Variants in COL18A1 observed in about 807,000 individuals in gnomAD.
COL18A1 encodes collagen alpha-1(XVIII) chain.
In COL18A1, 133 loss-of-function variants were observed where a neutral mutation model predicts 168.0. The ratio of observed to expected loss-of-function variants is 0.79; its 90% CI spans 0.69 to 0.91. COL18A1 has a LOEUF of 0.91. Among genes scored for constraint, COL18A1 ranks in the 40% least tolerant of loss-of-function variants. COL18A1 has a pLI of 0.00. For missense variants in COL18A1, 2,126 were observed against 1,925.4 expected (o/e 1.10, Z -1.95); for synonymous variants, 949 against 809.0 (o/e 1.17, Z -2.94).
chr21:45,437,296 A>ACT (rs2034152935), intron 2 of COL18A1, among the ~76,000 whole-genome samples: 4 of 110,356 alleles, frequency 3.6e-5, no homozygotes, highest in Non-Finnish European at 5.5e-5. Flanking sequence ...CTGCACACAC[A>ACT]CACACTCACA....
intron 36 of COL18A1, 22 bp downstream of exon 36, chr21:45,505,453 TG>T: frequency 2.9e-6 from 4 of 1,357,844 alleles, no homozygotes; most frequent in Non-Finnish European, 3.1e-6. Flanking sequence ...GGCAGCCGGC[TG>T]GGCACCTGCG....
Position 45,512,440 on chromosome 21 carries a change from G to C in COL18A1, c.*42G>C, listed in dbSNP as rs369684141. On this transcript the variant is annotated 3_prime_UTR_variant, in exon 42 of 42. Coordinates refer to ENST00000651438, the MANE Select transcript of COL18A1 (RefSeq NM_001379500.1). ...GATGGCCGGAGAGGACCGGCGGCTC[G>C]GAGGAAGCCCCCACCGTGGGCAGGG... is the stretch of plus-strand genomic sequence containing the variant. 3.2e-6 allele frequency: 5 copies of C among 1,584,580 alleles called. No individual in the cohort carries two copies. The highest frequency in any genetic ancestry group is 3.4e-6 in the Non-Finnish European group (4 of 1,165,452).
At position 45,496,508 on chromosome 21, in the gene COL18A1, C is replaced by CG; in HGVS notation, c.2519dup (p.Gly843ArgfsTer21). On this transcript the variant is annotated frameshift_variant, in exon 30 of 42. Transcript: ENST00000651438. LOFTEE classifies it high-confidence loss of function. ...CTCTGCCCTCCCCACAGGGAATGCC[C>CG]GGCCCCCCAGGACCTCCAGGGCCCC... is the stretch of plus-strand genomic sequence containing the variant. 1 of 1,457,932 alleles carries CG rather than the reference C, an allele frequency of 6.9e-7. No individual in the cohort carries two copies. Among genetic ancestry groups the CG allele is most frequent in the Non-Finnish European group, 9.6e-7 (1 of 1,038,230 alleles). The allele number at this position is 1,457,932 out of a possible 1,614,324, so 90.3% of individuals were successfully genotyped here. A position where few individuals can be genotyped will look rare whatever the true frequency, so the allele number is the denominator to read the frequency against.
At position 45,409,253 on chromosome 21, in the gene COL18A1, A is replaced by G. The variant is rs541314609; in HGVS notation, c.106+3780A>G. Among the ~76,000 whole-genome samples the G allele has an allele frequency of 2.6e-4, 39 of 152,330 alleles. 2 individuals carry two copies. The highest frequency in any genetic ancestry group is 9.1e-4 in the African/African-American group (38 of 41,574). On this transcript the variant is annotated intron_variant, in intron 2 of 41. Coordinates refer to ENST00000651438, the MANE Select transcript of COL18A1 (RefSeq NM_001379500.1). ...GAGATTTCAGCGGCTGGCCAGTGGC[A>G]GACGGCGCAGGGTCTGAGACAGATA...
At chr21:45,448,179 G>A (rs189406902) in intron 2 of COL18A1, among the ~76,000 whole-genome samples, 2 of 152,312 alleles carry the variant, frequency 1.3e-5, no homozygotes, top group East Asian at 3.9e-4. Flanking sequence ...CTGCATTGAC[G>A]TTGATACGAT....
Position 45,468,604 on chromosome 21 carries a change from G to T in COL18A1, c.469G>T (p.Ala157Ser). ...CACAGCCGCCAGCTTCCGGCTCCCC[G>T]CCTTCGTCGGCCAGTGGACACACTT... ...THTAASFRLP[A>S]FVGQWTHLAL... The change falls in exon 3 of 42, where the codon GCC (alanine) becomes TCC (serine). Residue 157 changes from alanine to serine, a missense_variant. Transcript: ENST00000651438. 3 of 1,613,762 alleles carry T rather than the reference G, an allele frequency of 1.9e-6. No individual in the cohort carries two copies. The highest frequency in any genetic ancestry group is 2.2e-5 in the South Asian group (2 of 91,090).
intron 2 of COL18A1, among the ~76,000 whole-genome samples, chr21:45,461,115 A>G (rs1366322151): frequency 6.6e-6 from 1 of 152,210 alleles, no homozygotes; most frequent in Non-Finnish European, 1.5e-5. Context: ...GCGATACAGT[A>G]TTCTAGCTGT....
At chr21:45,430,591 G>T (rs143917419) in intron 2 of COL18A1, among the ~76,000 whole-genome samples, 1 of 152,172 alleles carries the variant, frequency 6.6e-6, no homozygotes, top group African/African-American at 2.4e-5. Context: ...CCCCGGGTCC[G>T]GTTACAAAGG....
rs75354819 is a variant in COL18A1 at position 45,490,253 on chromosome 21, G to A, written c.1960-22G>A. The A allele has an allele frequency of 0.019, 29,248 of 1,563,534 alleles. 1,379 individuals are homozygous for A. Among genetic ancestry groups the A allele is most frequent in the African/African-American group, 0.14 (10,273 of 73,120 alleles). ...CCTGGGCGTGTGGCCAATGCCCTGC[G>A]TCCTCCATGTGACCCTTTCAGGGAG... On this transcript the variant is annotated intron_variant, in intron 19 of 41. Coordinates refer to ENST00000651438, the MANE Select transcript of COL18A1 (RefSeq NM_001379500.1).
At chr21:45,446,522 C>G (rs1276710968) in intron 2 of COL18A1, among the ~76,000 whole-genome samples, 1 of 152,002 alleles carries the variant, frequency 6.6e-6, no homozygotes, top group Non-Finnish European at 1.5e-5. Flanking sequence ...CCAAAAACAC[C>G]CATAAAGAAA....
chr21:45,506,351 T>TG (rs1231334926), intron 37 of COL18A1: 4 of 355,000 alleles, frequency 1.1e-5, no homozygotes, highest in Admixed American at 3.8e-5. Context: ...CGGCCCCGGC[T>TG]GGGGGGCAGG....
chr21:45,421,563 C>G (rs138010199), intron 2 of COL18A1: 2 of 534,496 alleles, frequency 3.7e-6, no homozygotes, highest in Non-Finnish European at 7.7e-6. Flanking sequence ...TGGAAAACCT[C>G]GGCCTTCCAT....
Position 45,481,967 on chromosome 21 carries a change from C to G in COL18A1, c.1616C>G (p.Pro539Arg). The change falls in exon 14 of 42, where the codon CCC becomes CGC. Residue 539 changes from proline (P) to arginine (R), a missense_variant. Coordinates refer to ENST00000651438, the MANE Select transcript of COL18A1 (RefSeq NM_001379500.1). ...GPPGFPGLPG[P>R]PGPPGREGPP... ...CTATGCTCTGCTCTCCCCCAGGGAC[C>G]CCCAGGCCCTCCGGGAAGAGAGGGG... is the stretch of plus-strand genomic sequence containing the variant. The G allele has an allele frequency of 6.2e-7, 1 of 1,612,538 alleles. No individual in the cohort carries two copies. The highest frequency in any genetic ancestry group is 1.1e-5 in the South Asian group (1 of 91,028).
chr21:45,463,726 C>T lies in COL18A1; in HGVS notation c.107-4516C>T, dbSNP rs111331129. 0.029 allele frequency among the ~76,000 whole-genome samples: 4,438 copies of T among 152,064 alleles called. 231 individuals carry two copies. Among genetic ancestry groups the T allele is most frequent in the African/African-American group, 0.1 (4,194 of 41,434 alleles). On this transcript the variant is annotated intron_variant, in intron 2 of 41. Transcript: ENST00000651438. The surrounding 1 kb of genome is among the most constrained non-coding windows in gnomAD (Gnocchi z 4.0). Reference sequence around the variant, plus strand: ...CAGCCTGACCAACACGGAGAAACCCCATCTCTACTAACAATACAAAATTAG... The same window carrying T: ...CAGCCTGACCAACACGGAGAAACCCTATCTCTACTAACAATACAAAATTAG...
chr21:45,495,396 G>A lies in COL18A1; in HGVS notation c.2472G>A (p.Gly824=), dbSNP rs2036495802. 3 of 1,611,832 alleles carry A rather than the reference G, an allele frequency of 1.9e-6. No individual in the cohort carries two copies. The East Asian group carries it at 6.7e-5, about 36-fold the overall frequency. The change falls in exon 29 of 42, where the codon GGG becomes GGA. Residue 824 remains glycine (G), a synonymous_variant. Transcript: ENST00000651438. ...TGAACGGATTGAAAGGAGAGAAAGG[G>A]GAGCCGGGAGATGCCAGCCTTGGAT... The part of the protein sequence containing the change: ...PGMNGLKGEK[G]EPGDASLGFG...
rs527703542 is a variant in COL18A1, at chr21:45,440,052, C to T, written c.107-28190C>T. On this transcript the variant is annotated intron_variant, in intron 2 of 41. Transcript: ENST00000651438. Reference sequence around the variant, plus strand: ...CAGCGGAGGCTGGCAGGCCGTGGGCCGCATGGGCGGAGGGGCCGGTCCTCC... The same window carrying T: ...CAGCGGAGGCTGGCAGGCCGTGGGCTGCATGGGCGGAGGGGCCGGTCCTCC... 3.3e-5 allele frequency among the ~76,000 whole-genome samples: 5 copies of T among 152,360 alleles called. No individual in the cohort carries two copies. In the South Asian group the frequency reaches 6.2e-4, roughly 19 times the overall value.
chr21:45,486,046 GCCTC>G (rs887081164), intron 15 of COL18A1, among the ~76,000 whole-genome samples: 1 of 152,218 alleles, frequency 6.6e-6, no homozygotes, highest in Non-Finnish European at 1.5e-5. Flanking sequence ...CTGCCTCAGG[GCCTC>G]CCTCCCTCAC....
chr21:45,503,116 T>C (rs961338734), intron 32 of COL18A1: 17 of 152,196 alleles, frequency 1.1e-4, no homozygotes, highest in Admixed American at 3.3e-4. Context: ...AAATGGTATT[T>C]CTAGTTCTAG....
rs201271702 is a variant in COL18A1, at chr21:45,479,076, C to CGCGT, written c.1248+725_1248+728dup. Among the ~76,000 whole-genome samples, 554 of 130,312 alleles carry CGCGT rather than the reference C, an allele frequency of 4.3e-3. 1 individual carries two copies. The highest frequency in any genetic ancestry group is 0.016 in the African/African-American group (540 of 33,084). The allele number at this position is 130,312 out of a possible 152,430, so 85.5% of individuals were successfully genotyped here. On this transcript the variant is annotated intron_variant, in intron 9 of 41. Transcript: ENST00000651438. Reference sequence around the variant, plus strand: ...CACCCACTGCAACAGGGTACACGCACGCGTGTGAGTGTGGGGTGATGATCC... The same window carrying CGCGT: ...CACCCACTGCAACAGGGTACACGCACGCGTGCGTGTGAGTGTGGGGTGATGATCC...
Sources: gnomAD v4.1 joint callset for allele counts (sites outside exome capture counted in the v4.1 genomes callset) on GRCh38, gnomAD v4.1.1 for gene constraint, Gnocchi (gnomAD v3.1) non-coding constraint, MANE v1.5 for transcripts, NCBI Gene and HGNC (gene_info 2026-07-23, HGNC 2026-07-21) for gene names.